Variants in MOB3B observed in about 807,000 individuals in gnomAD.
MOB3B encodes the protein MOB kinase activator 3B, also known as MOB kinase activator-like 2B.
A neutral mutation model predicts 18.7 loss-of-function variants in MOB3B; 7 were observed. The ratio of observed to expected loss-of-function variants is 0.37; its 90% CI spans 0.21 to 0.70. The LOEUF (loss-of-function observed/expected upper bound fraction) is 0.70. MOB3B is among the 30% of genes least tolerant of loss of function. The pLI, the probability that MOB3B is intolerant of heterozygous loss-of-function variation, is 0.52. For synonymous variants in MOB3B, 111 were observed against 99.9 expected (o/e 1.11, Z -0.66); for missense variants, 253 against 281.3 (o/e 0.90, Z 0.72).
intron 1 of MOB3B, among the ~76,000 whole-genome samples, chr9:27,502,941 C>T (rs1310405791): frequency 6.6e-6 from 1 of 152,202 alleles, no homozygotes; most frequent in Non-Finnish European, 1.5e-5. Context: ...TTATCCTGTT[C>T]ATCTCCCTGC....
At chr9:27,365,021 T>A (rs1248106685) in intron 2 of MOB3B, among the ~76,000 whole-genome samples, 1 of 152,176 alleles carries the variant, frequency 6.6e-6, no homozygotes, top group Non-Finnish European at 1.5e-5. Flanking sequence ...ACAAAGGGAC[T>A]GTGTTATACT....
Position 27,455,758 on chromosome 9 carries a change from G to A in MOB3B, c.-198-10C>T. 2.8e-6 allele frequency: 4 copies of A among 1,426,802 alleles called. No homozygotes were observed. The African/African-American group carries it at 5.7e-5, about 20-fold the overall frequency. 88.4% of individuals were successfully genotyped at this position (1,426,802 alleles called of 1,614,324 possible). On this transcript the variant is annotated splice_polypyrimidine_tract_variant and intron_variant, in intron 1 of 3. Coordinates refer to ENST00000262244, the MANE Select transcript of MOB3B (RefSeq NM_024761.5). ...AACCTCATGTTCTTTCCTAAAGGTAGAAGAGAAAAGGGAACACATGAGTGC... is the reference window on the plus strand; with the variant it reads ...AACCTCATGTTCTTTCCTAAAGGTAAAAGAGAAAAGGGAACACATGAGTGC...
chr9:27,511,733 C>A (rs916581575), intron 1 of MOB3B, among the ~76,000 whole-genome samples: 1 of 152,190 alleles, frequency 6.6e-6, no homozygotes, highest in African/African-American at 2.4e-5. Flanking sequence ...AACTCCAATC[C>A]TCTCCAGAAG....
intron 2 of MOB3B, among the ~76,000 whole-genome samples, chr9:27,359,755 A>G (rs1821246913): frequency 6.6e-6 from 1 of 152,168 alleles, no homozygotes; most frequent in Non-Finnish European, 1.5e-5. Flanking sequence ...TGAGGAAGGT[A>G]AGAGTTGGGA....
intron 3 of MOB3B, among the ~76,000 whole-genome samples, chr9:27,341,952 G>A (rs1331443454): frequency 6.6e-6 from 1 of 152,174 alleles, no homozygotes; most frequent in East Asian, 1.9e-4. Flanking sequence ...CATAAGCTAA[G>A]AGTGGTTTTT....
intron 2 of MOB3B, among the ~76,000 whole-genome samples, chr9:27,387,586 A>G (rs1211134786): frequency 6.6e-6 from 1 of 152,226 alleles, no homozygotes; most frequent in Non-Finnish European, 1.5e-5. Flanking sequence ...TGCAACTACT[A>G]TTATTATCAT....
intron 2 of MOB3B, among the ~76,000 whole-genome samples, chr9:27,393,465 A>C (rs1587177936): frequency 6.6e-6 from 1 of 152,052 alleles, no homozygotes; most frequent in East Asian, 1.9e-4. Context: ...GTGGAACTCG[A>C]AGGACACCAT....
intron 2 of MOB3B, among the ~76,000 whole-genome samples, chr9:27,434,835 C>A (rs1822473174): frequency 6.6e-6 from 1 of 152,164 alleles, no homozygotes; most frequent in East Asian, 1.9e-4. Context: ...TGGGCCACTG[C>A]AAAGGGCTCT....
intron 2 of MOB3B, among the ~76,000 whole-genome samples, chr9:27,379,075 T>C (rs1821535126): frequency 6.6e-6 from 1 of 152,040 alleles, no homozygotes; most frequent in East Asian, 1.9e-4. Flanking sequence ...GATAGTGAGC[T>C]CCCCAGGCTG....
chr9:27,380,262 ATTTTTTT>A (rs551179750), intron 2 of MOB3B, among the ~76,000 whole-genome samples: 3 of 135,444 alleles, frequency 2.2e-5, no homozygotes, highest in African/African-American at 5.5e-5. Context: ...AAGAGATAGG[ATTTTTTT>A]TTTTTTTTTT....
chr9:27,342,706 G>A (rs533469992), intron 3 of MOB3B, among the ~76,000 whole-genome samples: 426 of 152,294 alleles, frequency 2.8e-3, no homozygotes, highest in Non-Finnish European at 5.0e-3. Flanking sequence ...GACCACGAGT[G>A]ATCTGCCTGC....
chr9:27,478,856 G>T (rs948594178), intron 1 of MOB3B, among the ~76,000 whole-genome samples: 2 of 127,104 alleles, frequency 1.6e-5, no homozygotes, highest in African/African-American at 3.0e-5. Flanking sequence ...CACACACAGC[G>T]GTAAATGGCA....
At chr9:27,353,430 C>CGT (rs142240060) in intron 3 of MOB3B, among the ~76,000 whole-genome samples, 5 of 151,796 alleles carry the variant, frequency 3.3e-5, no homozygotes, top group Non-Finnish European at 4.4e-5. Context: ...TTCTGATGCA[C>CGT]GTGTGTGTGT....
At chr9:27,336,962 T>C (rs1005744727) in intron 3 of MOB3B, among the ~76,000 whole-genome samples, 2 of 152,244 alleles carry the variant, frequency 1.3e-5, no homozygotes, top group East Asian at 1.9e-4. Flanking sequence ...TCAAAGGGTA[T>C]TGCACGTTTC....
intron 1 of MOB3B, among the ~76,000 whole-genome samples, chr9:27,463,434 G>GA (rs1039985128): frequency 5.3e-5 from 8 of 151,640 alleles, no homozygotes; most frequent in Admixed American, 2.0e-4. Flanking sequence ...GGTAGTTAAA[G>GA]AAAAAAAACA....
intron 2 of MOB3B, among the ~76,000 whole-genome samples, chr9:27,364,498 C>A (rs146257223): frequency 1.3e-5 from 2 of 152,260 alleles, no homozygotes; most frequent in Non-Finnish European, 2.9e-5. Flanking sequence ...AGCAAAAAAT[C>A]CTATTTAAAT....
chr9:27,405,775 T>C (rs896010260), intron 2 of MOB3B, among the ~76,000 whole-genome samples: 1 of 152,094 alleles, frequency 6.6e-6, no homozygotes, highest in Non-Finnish European at 1.5e-5. Flanking sequence ...ATTCAACATA[T>C]GCAAATCAAT....
chr9:27,424,812 T>C (rs1822302991), intron 2 of MOB3B, among the ~76,000 whole-genome samples: 1 of 151,738 alleles, frequency 6.6e-6, no homozygotes, highest in South Asian at 2.1e-4. Flanking sequence ...AACACAAGAG[T>C]TATGTTGGTG....
At chr9:27,425,155 C>A (rs893610993) in intron 2 of MOB3B, among the ~76,000 whole-genome samples, 1 of 152,038 alleles carries the variant, frequency 6.6e-6, no homozygotes, top group Non-Finnish European at 1.5e-5. Flanking sequence ...GCAGGTGGAT[C>A]ACCTGAGGTC....
Sources: allele counts gnomAD v4.1 joint callset (sites outside exome capture counted in the v4.1 genomes callset), GRCh38; gene constraint gnomAD v4.1.1; transcripts MANE v1.5; gene names NCBI Gene and HGNC (gene_info 2026-07-23, HGNC 2026-07-21).